The following SRRM4 variants were observed in gnomAD, a reference collection of about 807,000 sequenced individuals.
The protein encoded by SRRM4 is serine/arginine repetitive matrix protein 4.
Under a neutral mutation model 68.9 loss-of-function variants are expected in SRRM4, and 33 were observed. That is an observed-to-expected ratio of 0.48 (90% CI 0.36 to 0.64). SRRM4 has a LOEUF of 0.64. Among genes scored for constraint, SRRM4 ranks in the 30% least tolerant of loss-of-function variants. The pLI is 0.00. For synonymous variants in SRRM4, 318 were observed against 318.8 expected (o/e 1.00, Z 0.03); for missense variants, 817 against 827.1 (o/e 0.99, Z 0.15).
At chr12:119,113,807 C>G (rs375000381) in intron 2 of SRRM4, among the ~76,000 whole-genome samples, 1 of 152,120 alleles carries the variant, frequency 6.6e-6, no homozygotes, top group Non-Finnish European at 1.5e-5. Flanking sequence ...ATATAAGATA[C>G]GTATCTCGTT....
chr12:118,997,230 T>C (rs1396410551), intron 1 of SRRM4, among the ~76,000 whole-genome samples: 1 of 152,158 alleles, frequency 6.6e-6, no homozygotes, highest in East Asian at 1.9e-4. Context: ...GGGGTAAACA[T>C]TCTCTAAGCA....
At position 119,156,516 on chromosome 12, in the gene SRRM4, C is replaced by T. The variant is rs767652455; in HGVS notation, c.1554C>T (p.Pro518=). 6.2e-7 allele frequency: 1 copy of T among 1,608,922 alleles called. No individual in the cohort carries two copies. Among genetic ancestry groups the T allele is most frequent in the South Asian group, 1.1e-5 (1 of 90,486 alleles). Residue 518 remains proline (P), a synonymous_variant, in exon 13 of 13, where the codon CCC becomes CCT. Coordinates refer to ENST00000267260, the MANE Select transcript of SRRM4 (RefSeq NM_194286.4). ...GCAGTGCCCGGAAACGCCCCATCCC[C>T]TACTATCGGCCCAGCCCCTCCTCAT... ...RITSARKRPI[P]YYRPSPSSSG...
rs577862812 is a variant in SRRM4, at chr12:119,004,207, G to A, written c.131+22194G>A. ...TCCCACACACCTGGTTATGCCCCTG[G>A]TTCTAAGATTCTGAGACCATAAGAT... On this transcript the variant is annotated intron_variant, in intron 1 of 12. Transcript: ENST00000267260. Among the ~76,000 whole-genome samples the A allele has an allele frequency of 3.3e-5, 5 of 152,060 alleles. No homozygotes were observed. The East Asian group carries it at 9.9e-4, about 30-fold the overall frequency.
chr12:119,069,834 C>T (rs1389080725), intron 1 of SRRM4, among the ~76,000 whole-genome samples: 6 of 152,178 alleles, frequency 3.9e-5, no homozygotes, highest in East Asian at 1.9e-4. Context: ...GACCCAGGCA[C>T]GGCTAGCTCT....
chr12:119,109,802 C>T (rs974961626), intron 2 of SRRM4, among the ~76,000 whole-genome samples: 3 of 152,224 alleles, frequency 2.0e-5, no homozygotes, highest in African/African-American at 7.2e-5. Context: ...AATCACTGAT[C>T]ATCTGAAAGC....
Position 119,055,882 on chromosome 12 carries a change from G to C in SRRM4, c.132-46354G>C, listed in dbSNP as rs543112927. ...ACACATGTAGTGGGCATCTGCCCAA[G>C]GTCACAGAGCAGGTGTAGGTGCCTG... On this transcript the variant is annotated intron_variant, in intron 1 of 12. Transcript: ENST00000267260. 5.6e-3 allele frequency among the ~76,000 whole-genome samples: 852 copies of C among 152,374 alleles called. 6 individuals are homozygous for C. The highest frequency in any genetic ancestry group is 0.01 in the Non-Finnish European group (692 of 68,038).
chr12:119,068,262 G>A (rs1394788200), intron 1 of SRRM4, among the ~76,000 whole-genome samples: 1 of 152,162 alleles, frequency 6.6e-6, no homozygotes, highest in African/African-American at 2.4e-5. Flanking sequence ...CAAATGCATG[G>A]AGAGCACGTA....
At chr12:119,025,723 C>T (rs1594032463) in intron 1 of SRRM4, among the ~76,000 whole-genome samples, 1 of 152,166 alleles carries the variant, frequency 6.6e-6, no homozygotes, top group South Asian at 2.1e-4. Context: ...GGATCACAGG[C>T]ATGAGCCACT....
intron 1 of SRRM4, among the ~76,000 whole-genome samples, chr12:119,098,266 C>A (rs1403465289): frequency 6.6e-6 from 1 of 152,160 alleles, no homozygotes; most frequent in Non-Finnish European, 1.5e-5. Flanking sequence ...ACAATACACA[C>A]AAATCAATAA....
In SRRM4 at chr12:119,154,772, G is replaced by A. The variant is rs1954462273; in HGVS notation, c.1532+389G>A. 6.6e-6 allele frequency among the ~76,000 whole-genome samples: 1 copy of A among 152,324 alleles called. No homozygotes were observed. Among genetic ancestry groups the A allele is most frequent in the Non-Finnish European group, 1.5e-5 (1 of 68,032 alleles). ...AATGGAGCAGGACCTTGGCCTGGTG[G>A]TGGATCCCGAGCAGCGGAGACAGAC... On this transcript the variant is annotated intron_variant, in intron 12 of 12. Coordinates refer to ENST00000267260, the MANE Select transcript of SRRM4 (RefSeq NM_194286.4). This position sits in a 1 kb window ranked among gnomAD's most constrained non-coding sequence, Gnocchi z 4.7.
Position 119,158,288 on chromosome 12 carries a change from G to A in SRRM4, c.*1490G>A, listed in dbSNP as rs940858733. 2.0e-5 allele frequency: 3 copies of A among 152,816 alleles called. No individual in the cohort carries two copies. Among genetic ancestry groups the A allele is most frequent in the Non-Finnish European group, 2.9e-5 (2 of 68,164 alleles). 9.5% of individuals were successfully genotyped at this position (152,816 alleles called of 1,614,324 possible). A position where few individuals can be genotyped will look rare whatever the true frequency, so the allele number is the denominator to read the frequency against. ...CAGGGCACGGAGGGAGCGAGGGAGA[G>A]AGGACCGGTCCCAGCTTTTGGATAT... On this transcript the variant is annotated 3_prime_UTR_variant, in exon 13 of 13. Coordinates refer to ENST00000267260, the MANE Select transcript of SRRM4 (RefSeq NM_194286.4).
chr12:119,097,807 G>C (rs180703161), intron 1 of SRRM4, among the ~76,000 whole-genome samples: 2 of 152,228 alleles, frequency 1.3e-5, no homozygotes, highest in Non-Finnish European at 2.9e-5. Flanking sequence ...AGCTTCCCCT[G>C]TACTTCAGAT....
intron 4 of SRRM4, among the ~76,000 whole-genome samples, chr12:119,117,229 A>C (rs1954186695): frequency 6.6e-6 from 1 of 152,188 alleles, no homozygotes; most frequent in Admixed American, 6.5e-5. Context: ...ATTATAAAGA[A>C]GCAGGAGTGA....
chr12:118,982,678 TG>T lies in SRRM4; in HGVS notation c.131+666del, dbSNP rs1319381307. Among the ~76,000 whole-genome samples the T allele has an allele frequency of 2.4e-3, 331 of 135,594 alleles. 2 individuals are homozygous for T. The highest frequency in any genetic ancestry group is 8.5e-3 in the African/African-American group (295 of 34,654). 89.0% of individuals were successfully genotyped at this position (135,594 alleles called of 152,430 possible). Reference sequence around the variant, plus strand: ...GGAAGAGTTTTATTTTGTTTTTTTTTGTTTTTTTTTTTTTTTTCCAAAAAGA... The same window carrying T: ...GGAAGAGTTTTATTTTGTTTTTTTTTTTTTTTTTTTTTTTTTCCAAAAAGA... On this transcript the variant is annotated intron_variant, in intron 1 of 12. Coordinates refer to ENST00000267260, the MANE Select transcript of SRRM4 (RefSeq NM_194286.4).
Position 119,160,853 on chromosome 12 carries a change from T to G in SRRM4, c.*4055T>G, listed in dbSNP as rs957494454. ...AAAGCAAGATTTGATCTCCCTTCAGTTAATTAGGCAAGGCTAAGTAACTCA... is the reference window on the plus strand; with the variant it reads ...AAAGCAAGATTTGATCTCCCTTCAGGTAATTAGGCAAGGCTAAGTAACTCA... On this transcript the variant is annotated 3_prime_UTR_variant, in exon 13 of 13. Transcript: ENST00000267260. 12 of 152,248 alleles carry G rather than the reference T, an allele frequency of 7.9e-5. No individual in the cohort carries two copies. The highest frequency in any genetic ancestry group is 2.0e-4 in the Admixed American group (3 of 15,280). The allele number at this position is 152,248 out of a possible 1,614,324, so 9.4% of individuals were successfully genotyped here.
chr12:119,122,931 A>G (rs953494946), intron 6 of SRRM4, among the ~76,000 whole-genome samples: 2 of 152,156 alleles, frequency 1.3e-5, no homozygotes, highest in African/African-American at 4.8e-5. Context: ...TTCACAGTTT[A>G]TAGCTGGTAG....
chr12:119,030,969 C>T (rs953310552), intron 1 of SRRM4: 2 of 152,130 alleles, frequency 1.3e-5, no homozygotes, highest in Non-Finnish European at 2.9e-5. Context: ...TGCACACATC[C>T]ATGATTATTT....
At position 119,045,476 on chromosome 12, in the gene SRRM4, AC is replaced by A. The variant is rs1288638284; in HGVS notation, c.132-56759del. Among the ~76,000 whole-genome samples the A allele has an allele frequency of 5.5e-4, 20 of 36,642 alleles. No homozygotes were observed. In the East Asian group the frequency reaches 0.016, roughly 29 times the overall value. 24.0% of individuals were successfully genotyped at this position (36,642 alleles called of 152,430 possible). A position where few individuals can be genotyped will look rare whatever the true frequency, so the allele number is the denominator to read the frequency against. On this transcript the variant is annotated intron_variant, in intron 1 of 12. Transcript: ENST00000267260. ...CTATGCCCCACATTCCCCTTCCCCC[AC>A]TCCCCCGCTCCCCCCCGCCCCAAAA...
intron 1 of SRRM4, among the ~76,000 whole-genome samples, chr12:119,062,416 C>T (rs1408335527): frequency 2.6e-5 from 4 of 152,138 alleles, no homozygotes; most frequent in Non-Finnish European, 5.9e-5. Context: ...AATAGATTAA[C>T]CTTAGCTTAC....
Sources: allele counts gnomAD v4.1 joint callset (sites outside exome capture counted in the v4.1 genomes callset), GRCh38; gene constraint gnomAD v4.1.1; non-coding constraint Gnocchi (gnomAD v3.1); transcripts MANE v1.5; gene names NCBI Gene and HGNC (gene_info 2026-07-23, HGNC 2026-07-21).